Variants in CPNE8 observed in about 807,000 individuals in gnomAD.
CPNE8 encodes the protein copine-8.
Under a neutral mutation model 81.5 loss-of-function variants are expected in CPNE8, and 45 were observed. That is an observed-to-expected ratio of 0.55 (90% CI 0.44 to 0.71). The LOEUF (loss-of-function observed/expected upper bound fraction) is 0.71, where lower values mean the gene tolerates loss of function less well. Among genes scored for constraint, CPNE8 ranks in the 30% least tolerant of loss-of-function variants. The probability of loss-of-function intolerance (pLI) is 0.00; values close to 1 mark genes in which losing one functional copy is unlikely to be tolerated. For missense variants in CPNE8, 594 were observed against 672.1 expected, an observed-to-expected ratio of 0.88 and a Z score of 1.28; for synonymous variants, 252 against 226.3, an observed-to-expected ratio of 1.11 and a Z score of -1.02.
chr12:38,854,807 ACAT>A (rs1943705287), intron 3 of CPNE8, among the ~76,000 whole-genome samples: 1 of 152,120 alleles, frequency 6.6e-6, no homozygotes, highest in Non-Finnish European at 1.5e-5. Context: ...CCCACAGCTA[ACAT>A]CATACTGAAA....
At chr12:38,667,371 G>A (rs534416933) in intron 19 of CPNE8, among the ~76,000 whole-genome samples, 17 of 152,026 alleles carry the variant, frequency 1.1e-4, no homozygotes, top group East Asian at 1.9e-4. Flanking sequence ...AAAATAATTC[G>A]CTTTAAAAAC....
chr12:38,827,018 A>C (rs999477010), intron 6 of CPNE8, among the ~76,000 whole-genome samples: 10 of 150,374 alleles, frequency 6.7e-5, no homozygotes. Context: ...AAATACAAAA[A>C]AAAAAAAAAA....
At chr12:38,898,601 TAAC>T (rs1944418998) in intron 1 of CPNE8, among the ~76,000 whole-genome samples, 1 of 152,200 alleles carries the variant, frequency 6.6e-6, no homozygotes, top group Admixed American at 6.5e-5. Context: ...ATTTATCAAC[TAAC>T]AACATCACTT....
At chr12:38,720,516 CAA>C (rs1383941660) in intron 13 of CPNE8, 1 of 151,910 alleles carries the variant, frequency 6.6e-6, no homozygotes, top group Non-Finnish European at 1.5e-5. Context: ...AACAAAAAAA[CAA>C]GACAAAAACT....
intron 5 of CPNE8, among the ~76,000 whole-genome samples, chr12:38,839,087 T>C (rs369162551): frequency 1.3e-5 from 2 of 152,144 alleles, no homozygotes; most frequent in Non-Finnish European, 2.9e-5. Context: ...TAATTCTACA[T>C]CTGTGTACCC....
chr12:38,891,501 G>A (rs1029374635), intron 1 of CPNE8, among the ~76,000 whole-genome samples: 12 of 150,598 alleles, frequency 8.0e-5, no homozygotes, highest in African/African-American at 2.9e-4. Context: ...AGGCTGGAAT[G>A]CAATGGCACG....
intron 6 of CPNE8, among the ~76,000 whole-genome samples, chr12:38,788,438 G>T (rs989292218): frequency 1.3e-5 from 2 of 151,546 alleles, no homozygotes; most frequent in Non-Finnish European, 3.0e-5. Context: ...TTAAAAAGTG[G>T]GTATAAAAGA....
At chr12:38,824,769 C>G (rs1943163284) in intron 6 of CPNE8, among the ~76,000 whole-genome samples, 1 of 152,152 alleles carries the variant, frequency 6.6e-6, no homozygotes, top group Admixed American at 6.5e-5. Context: ...AGTGGACTGT[C>G]TGCCTCAGGA....
At chr12:38,762,070 T>A (rs1941584949) in intron 9 of CPNE8, 42 bp downstream of exon 9, 1 of 1,048,986 alleles carries the variant, frequency 9.5e-7, no homozygotes, top group Non-Finnish European at 1.3e-6. Context: ...TAGATTTTTT[T>A]AAAAGTTATT....
intron 6 of CPNE8, among the ~76,000 whole-genome samples, chr12:38,819,143 TC>T (rs1434855993): frequency 6.6e-6 from 1 of 152,224 alleles, no homozygotes; most frequent in Non-Finnish European, 1.5e-5. Context: ...TTTAATTAGA[TC>T]CCATTTGTCA....
intron 1 of CPNE8, among the ~76,000 whole-genome samples, chr12:38,894,982 C>A (rs1222173430): frequency 1.3e-5 from 2 of 152,062 alleles, no homozygotes; most frequent in South Asian, 2.1e-4. Flanking sequence ...AAGGCAGAGA[C>A]ACATGTTGGT....
intron 3 of CPNE8, among the ~76,000 whole-genome samples, chr12:38,850,762 C>T (rs908143076): frequency 6.6e-6 from 1 of 152,282 alleles, no homozygotes; most frequent in Non-Finnish European, 1.5e-5. Flanking sequence ...TGTGTTTCTC[C>T]TCTTCTCAGA....
intron 10 of CPNE8, among the ~76,000 whole-genome samples, chr12:38,737,587 T>A (rs1483410932): frequency 6.6e-6 from 1 of 152,296 alleles, no homozygotes; most frequent in East Asian, 1.9e-4. Flanking sequence ...GTTCATTAGG[T>A]AAAGTTCAAT....
intron 10 of CPNE8, among the ~76,000 whole-genome samples, chr12:38,755,743 A>G (rs1941442238): frequency 6.6e-6 from 1 of 151,928 alleles, no homozygotes; most frequent in Non-Finnish European, 1.5e-5. Flanking sequence ...GTGTTTCAAT[A>G]AAAAGAACAG....
intron 5 of CPNE8, among the ~76,000 whole-genome samples, chr12:38,837,897 A>G (rs1201059386): frequency 2.6e-5 from 4 of 152,216 alleles, no homozygotes; most frequent in Non-Finnish European, 4.4e-5. Context: ...TATGAAAATA[A>G]AAGTATTTCT....
intron 6 of CPNE8, among the ~76,000 whole-genome samples, chr12:38,819,760 C>A (rs1482705143): frequency 7.9e-6 from 1 of 125,926 alleles, no homozygotes; most frequent in Non-Finnish European, 1.7e-5. Context: ...GAGCAAGACT[C>A]CGTCTCAAAA....
intron 5 of CPNE8, among the ~76,000 whole-genome samples, chr12:38,830,757 C>T (rs184483274): frequency 0.02 from 3,014 of 152,230 alleles, 93 homozygotes; most frequent in African/African-American, 0.068. Flanking sequence ...AAAAAGCCAA[C>T]CTATGGTGAG....
chr12:38,889,055 T>C (rs1161886851), intron 1 of CPNE8, among the ~76,000 whole-genome samples: 1 of 152,226 alleles, frequency 6.6e-6, no homozygotes, highest in Non-Finnish European at 1.5e-5. Flanking sequence ...TCTTATCCTA[T>C]GAGAATTTAC....
At position 38,761,323 on chromosome 12, in the gene CPNE8, T is replaced by C. The variant is rs1356311995; in HGVS notation, c.681-435A>G. 6.6e-5 allele frequency among the ~76,000 whole-genome samples: 10 copies of C among 152,320 alleles called. No individual in the cohort carries two copies. In the East Asian group the frequency reaches 1.7e-3, roughly 26 times the overall value. On this transcript the variant is annotated intron_variant, in intron 9 of 19. Coordinates refer to ENST00000331366, the MANE Select transcript of CPNE8 (RefSeq NM_153634.3). ...AGGTCTGGATTGGGGCCACATAATT[T>C]GAATTTCTATGAGATCACCAGGTGA...
Sources: allele counts gnomAD v4.1 joint callset (sites outside exome capture counted in the v4.1 genomes callset), GRCh38; gene constraint gnomAD v4.1.1; transcripts MANE v1.5; gene names NCBI Gene and HGNC (gene_info 2026-07-23, HGNC 2026-07-21).